GRB14: variants seen among roughly 807,000 people sequenced by gnomAD.
GRB14 encodes the protein growth factor receptor bound protein 14, also known as growth factor receptor-bound protein 14.
A neutral mutation model predicts 69.1 loss-of-function variants in GRB14; 38 were observed. The ratio of observed to expected loss-of-function variants is 0.55; its 90% CI spans 0.42 to 0.72. The LOEUF is 0.72. GRB14 is among the 30% of genes least tolerant of loss of function. The pLI is 0.00. For missense variants in GRB14, 666 were observed against 666.1 expected, an observed-to-expected ratio of 1.00 and a Z score of 0.00; for synonymous variants, 247 against 241.3, an observed-to-expected ratio of 1.02 and a Z score of -0.22.
At chr2:164,493,267 G>T in intron 13 of GRB14, 85 bp from the exon 14 acceptor site, 1 of 1,198,902 alleles carries the variant, frequency 8.3e-7, no homozygotes, top group Non-Finnish European at 1.2e-6. Context: ...ATCTCCACAT[G>T]CCAAAACTGC....
intron 2 of GRB14, among the ~76,000 whole-genome samples, chr2:164,584,712 T>C (rs1206257862): frequency 6.6e-6 from 1 of 152,148 alleles, no homozygotes; most frequent in African/African-American, 2.4e-5. Flanking sequence ...GACACAAAAT[T>C]ATGGCTGGTC....
At chr2:164,575,426 T>C (rs1028217739) in intron 2 of GRB14, among the ~76,000 whole-genome samples, 2 of 152,170 alleles carry the variant, frequency 1.3e-5, no homozygotes, top group African/African-American at 4.8e-5. Context: ...ATGTATGTGA[T>C]TATGTTGCTA....
rs148268784 is a variant in GRB14, at chr2:164,503,442, C to CAAAAAAAAAAAA, written c.1024-1119_1024-1108dup. Among the ~76,000 whole-genome samples the CAAAAAAAAAAAA allele has an allele frequency of 4.3e-5, 4 of 92,258 alleles. 1 individual carries two copies. Among genetic ancestry groups the CAAAAAAAAAAAA allele is most frequent in the East Asian group, 2.3e-3 (2 of 880 alleles). 60.5% of individuals were successfully genotyped at this position (92,258 alleles called of 152,430 possible). On this transcript the variant is annotated intron_variant, in intron 8 of 13. Coordinates refer to ENST00000263915, the MANE Select transcript of GRB14 (RefSeq NM_004490.3). The stretch of plus-strand genomic sequence containing the variant: ...ACAATGGGTATATTTGGTAATTAGG[C>CAAAAAAAAAAAA]AAAAAAAAAAAAAAAAAAAAAAAAA...
At chr2:164,506,463 T>C (rs1221211304) in intron 8 of GRB14, among the ~76,000 whole-genome samples, 3 of 152,158 alleles carry the variant, frequency 2.0e-5, no homozygotes, top group Non-Finnish European at 4.4e-5. Flanking sequence ...ATAACAAGTA[T>C]TGACAAATAT....
intron 2 of GRB14, among the ~76,000 whole-genome samples, chr2:164,608,161 C>T (rs1367676061): frequency 6.6e-6 from 1 of 152,146 alleles, no homozygotes; most frequent in Non-Finnish European, 1.5e-5. Context: ...CAACTGAGGT[C>T]AGGAGTTCAA....
chr2:164,560,477 T>C (rs1420106558), intron 2 of GRB14, among the ~76,000 whole-genome samples: 1 of 152,188 alleles, frequency 6.6e-6, no homozygotes, highest in African/African-American at 2.4e-5. Flanking sequence ...GGGTTTCTGT[T>C]TGATACAATC....
rs376536248 is a variant in GRB14 at position 164,497,392 on chromosome 2, T to G, written c.1203A>C (p.Glu401Asp). Residue 401 changes from glutamate to aspartate, a missense_variant, in exon 10 of 14, where the codon GAA becomes GAC. Glu to Asp is a conservative substitution (Grantham distance 45). Transcript: ENST00000263915. The part of the protein sequence containing the change: ...NPTEALSVAV[E>D]EGLAWRKKGC... ...CTTGTACCCTCCAAGCGAGTCCTTC[T>G]TCAACCGCAACTGAAAGGGCTTCAG... The G allele has an allele frequency of 3.1e-6, 5 of 1,613,436 alleles. No homozygotes were observed. The highest frequency in any genetic ancestry group is 2.7e-5 in the African/African-American group (2 of 75,036).
Position 164,610,810 on chromosome 2 carries a change from C to A in GRB14, c.324+8877G>T, listed in dbSNP as rs555685715. ...AACTAGACCAAATAGATAAATGAGA[C>A]AATTCGGATTATGGTAAGTGCAGCC... On this transcript the variant is annotated intron_variant, in intron 2 of 13. Coordinates refer to ENST00000263915, the MANE Select transcript of GRB14 (RefSeq NM_004490.3). Among the ~76,000 whole-genome samples the A allele has an allele frequency of 9.7e-5, 13 of 133,830 alleles. No homozygotes were observed. The South Asian group carries it at 3.1e-3, about 32-fold the overall frequency. The allele number at this position is 133,830 out of a possible 152,430, so 87.8% of individuals were successfully genotyped here.
intron 2 of GRB14, among the ~76,000 whole-genome samples, chr2:164,579,507 A>G (rs796929847): frequency 2.3e-3 from 86 of 36,784 alleles, no homozygotes; most frequent in African/African-American, 9.6e-3. Flanking sequence ...ACTTGCACAC[A>G]CACACACACA....
chr2:164,548,275 AAAG>A (rs1304276809), intron 2 of GRB14, among the ~76,000 whole-genome samples: 3 of 152,234 alleles, frequency 2.0e-5, no homozygotes, highest in Non-Finnish European at 2.9e-5. Context: ...GTTAGAAAAG[AAAG>A]AAGGACTTAT....
intron 2 of GRB14, among the ~76,000 whole-genome samples, chr2:164,583,454 C>T (rs576929703): frequency 1.3e-3 from 195 of 152,118 alleles, no homozygotes; most frequent in Non-Finnish European, 2.5e-3. Context: ...TGTCCTGTGA[C>T]GTAGAAGATC....
chr2:164,593,790 A>C (rs1215162852), intron 2 of GRB14, among the ~76,000 whole-genome samples: 1 of 152,202 alleles, frequency 6.6e-6, no homozygotes, highest in South Asian at 2.1e-4. Context: ...CAGGTGAAGG[A>C]CAGAACTAAC....
chr2:164,569,385 G>T (rs1186278341), intron 2 of GRB14, among the ~76,000 whole-genome samples: 2 of 152,134 alleles, frequency 1.3e-5, no homozygotes, highest in Admixed American at 1.3e-4. Context: ...GGATTGCAAC[G>T]TTAAAACTAA....
At chr2:164,556,723 C>T (rs1361724514) in intron 2 of GRB14, among the ~76,000 whole-genome samples, 1 of 152,136 alleles carries the variant, frequency 6.6e-6, no homozygotes, top group Non-Finnish European at 1.5e-5. Context: ...AGCTTAGGTC[C>T]AGGCCCTTTG....
chr2:164,519,911 T>A (rs1687593557), intron 6 of GRB14, among the ~76,000 whole-genome samples: 1 of 151,968 alleles, frequency 6.6e-6, no homozygotes, highest in Non-Finnish European at 1.5e-5. Flanking sequence ...ATGGGCAGAA[T>A]CAATATTTTG....
In GRB14 at chr2:164,521,049, T is replaced by C. The variant is rs117601502; in HGVS notation, c.816+931A>G. On this transcript the variant is annotated intron_variant, in intron 6 of 13. Coordinates refer to ENST00000263915, the MANE Select transcript of GRB14 (RefSeq NM_004490.3). The stretch of plus-strand genomic sequence containing the variant: ...GAAGTCATTATATGAAAAAGATACT[T>C]GCACATGCAAGTTTATAGCAGCGCA... 1.4e-3 allele frequency among the ~76,000 whole-genome samples: 212 copies of C among 152,288 alleles called. 7 individuals carry two copies. In the East Asian group the frequency reaches 0.034, roughly 25 times the overall value.
In GRB14 at chr2:164,534,024, C is replaced by T. The variant is rs182429459; in HGVS notation, c.482-6889G>A. On this transcript the variant is annotated intron_variant, in intron 3 of 13. Coordinates refer to ENST00000263915, the MANE Select transcript of GRB14 (RefSeq NM_004490.3). ...TCTGGTAATCTTAAGAAAAATACATCTTTTAAAAAGCCATCAAGAAATAGA... is the reference window on the plus strand; with the variant it reads ...TCTGGTAATCTTAAGAAAAATACATTTTTTAAAAAGCCATCAAGAAATAGA... Among the ~76,000 whole-genome samples the T allele has an allele frequency of 2.4e-3, 363 of 152,236 alleles. 2 individuals are homozygous for T. The highest frequency in any genetic ancestry group is 6.8e-3 in the Middle Eastern group (2 of 294).
At chr2:164,563,069 A>T (rs1173454674) in intron 2 of GRB14, among the ~76,000 whole-genome samples, 1 of 152,040 alleles carries the variant, frequency 6.6e-6, no homozygotes, top group East Asian at 1.9e-4. Context: ...GCCCACTACC[A>T]CTTCACTATC....
intron 2 of GRB14, among the ~76,000 whole-genome samples, chr2:164,613,343 G>A (rs1392386431): frequency 2.0e-5 from 3 of 151,940 alleles, no homozygotes; most frequent in Non-Finnish European, 4.4e-5. Flanking sequence ...TACTAAACCT[G>A]TACCTCTTTC....
Sources: gnomAD v4.1 joint callset for allele counts (sites outside exome capture counted in the v4.1 genomes callset) on GRCh38, gnomAD v4.1.1 for gene constraint, MANE v1.5 for transcripts, NCBI Gene and HGNC (gene_info 2026-07-23, HGNC 2026-07-21) for gene names.